Variants in LRRC20 observed in about 807,000 individuals in gnomAD.
LRRC20 encodes the protein leucine rich repeat containing 20.
LRRC20 carries 11 observed loss-of-function variants against 14.4 expected under a neutral mutation model. The observed-to-expected ratio is 0.77, with a 90% CI of 0.48 to 1.27. The LOEUF is 1.27. Among genes scored for constraint, LRRC20 ranks in the 50% most tolerant of loss-of-function variants. LRRC20 has a pLI of 0.00. For missense variants in LRRC20, 219 were observed against 251.2 expected (o/e 0.87, Z 0.87); for synonymous variants, 121 against 107.3 (o/e 1.13, Z -0.79).
At chr10:70,365,256 C>A (rs529072799) in intron 2 of LRRC20, among the ~76,000 whole-genome samples, 3 of 152,064 alleles carry the variant, frequency 2.0e-5, no homozygotes, top group African/African-American at 7.2e-5. Flanking sequence ...GACGGGGTTT[C>A]ACCATGTTGG....
chr10:70,337,626 C>T (rs968643843), intron 3 of LRRC20, among the ~76,000 whole-genome samples: 1 of 152,200 alleles, frequency 6.6e-6, no homozygotes, highest in Admixed American at 6.5e-5. Flanking sequence ...ACAAGGCTCT[C>T]CCCAGATGTC....
chr10:70,361,933 T>A (rs1400954965), intron 2 of LRRC20, among the ~76,000 whole-genome samples: 1 of 152,208 alleles, frequency 6.6e-6, no homozygotes, highest in Non-Finnish European at 1.5e-5. Flanking sequence ...ACACCTGTAA[T>A]CCCAACACTT....
chr10:70,356,398 G>A (rs544978474), intron 2 of LRRC20, among the ~76,000 whole-genome samples: 6 of 152,244 alleles, frequency 3.9e-5, no homozygotes, highest in African/African-American at 1.4e-4. Flanking sequence ...TGTAGTCCCA[G>A]CTAGCTACTT....
rs965222306 is a variant in LRRC20 at position 70,301,133 on chromosome 10, G to A, written c.*221C>T. On this transcript the variant is annotated 3_prime_UTR_variant, in exon 5 of 5. Coordinates refer to ENST00000446961, the MANE Select transcript of LRRC20 (RefSeq NM_001278212.2). ...AGTTTGCACAGCAGCTGTGAGTGCCGAGTCCAGGCTGCAGGCCCCACCTTG... is the reference window on the plus strand; with the variant it reads ...AGTTTGCACAGCAGCTGTGAGTGCCAAGTCCAGGCTGCAGGCCCCACCTTG... 1.6e-5 allele frequency: 21 copies of A among 1,351,394 alleles called. No homozygotes were observed. Among genetic ancestry groups the A allele is most frequent in the South Asian group, 1.9e-5 (1 of 51,848 alleles). 83.7% of individuals were successfully genotyped at this position (1,351,394 alleles called of 1,614,324 possible). A position where few individuals can be genotyped will look rare whatever the true frequency, so the allele number is the denominator to read the frequency against.
intron 2 of LRRC20, among the ~76,000 whole-genome samples, chr10:70,363,536 G>A (rs77879006): frequency 0.038 from 5,749 of 152,240 alleles, 162 homozygotes; most frequent in East Asian, 0.055. Context: ...AAGCCTGAAT[G>A]AACTAAGGCA....
intron 1 of LRRC20, among the ~76,000 whole-genome samples, chr10:70,380,919 C>T (rs1844678556): frequency 6.6e-6 from 1 of 152,216 alleles, no homozygotes; most frequent in Admixed American, 6.5e-5. Flanking sequence ...GGCTACAGGG[C>T]CAGGCCTAGG....
chr10:70,377,907 G>C (rs1275691654), intron 1 of LRRC20, among the ~76,000 whole-genome samples: 1 of 152,326 alleles, frequency 6.6e-6, no homozygotes, highest in East Asian at 1.9e-4. Flanking sequence ...CACTGATTTT[G>C]GAGACAGGTC....
At chr10:70,369,289 C>T (rs1844167019) in intron 2 of LRRC20, among the ~76,000 whole-genome samples, 1 of 152,122 alleles carries the variant, frequency 6.6e-6, no homozygotes, top group African/African-American at 2.4e-5. Flanking sequence ...ATCCCCACCC[C>T]CATCCCTCGG....
intron 2 of LRRC20, among the ~76,000 whole-genome samples, chr10:70,345,904 T>C (rs1217483870): frequency 6.6e-6 from 1 of 152,150 alleles, no homozygotes; most frequent in Non-Finnish European, 1.5e-5. Context: ...TCCCCAAGGT[T>C]GGAGGATCAC....
At chr10:70,310,655 A>G (rs183157362) in intron 4 of LRRC20, among the ~76,000 whole-genome samples, 23 of 152,338 alleles carry the variant, frequency 1.5e-4, no homozygotes, top group Admixed American at 1.5e-3. Flanking sequence ...ATGAATGTCT[A>G]ACCTTTTGAA....
chr10:70,338,764 G>A (rs769280948), intron 3 of LRRC20, among the ~76,000 whole-genome samples: 7 of 152,172 alleles, frequency 4.6e-5, no homozygotes, highest in South Asian at 2.1e-4. Flanking sequence ...GGGTTCAAGC[G>A]ATTCTCCTGC....
chr10:70,324,323 A>G (rs1842231093), intron 3 of LRRC20, among the ~76,000 whole-genome samples: 1 of 152,222 alleles, frequency 6.6e-6, no homozygotes. Context: ...GCGAGGGGTC[A>G]GGAGGTGCTG....
intron 4 of LRRC20, among the ~76,000 whole-genome samples, chr10:70,319,950 G>A (rs1842013457): frequency 6.6e-6 from 1 of 152,202 alleles, no homozygotes; most frequent in Non-Finnish European, 1.5e-5. Context: ...TGTCTGCCAG[G>A]GAGTCAGCTG....
intron 4 of LRRC20, 66 bp from the exon 5 acceptor site, chr10:70,301,574 G>A (rs1841186200): frequency 1.3e-6 from 2 of 1,564,484 alleles, no homozygotes; most frequent in Admixed American, 1.7e-5. Flanking sequence ...AAGGACAATG[G>A]GCCATGAGGA....
At chr10:70,345,020 ATTT>A (rs1290653032) in intron 2 of LRRC20, among the ~76,000 whole-genome samples, 2 of 152,190 alleles carry the variant, frequency 1.3e-5, no homozygotes, top group Non-Finnish European at 2.9e-5. Flanking sequence ...TTTTTTATTT[ATTT>A]TTAAGTTAAC....
At chr10:70,320,201 C>A (rs956584847) in intron 4 of LRRC20, among the ~76,000 whole-genome samples, 1 of 152,106 alleles carries the variant, frequency 6.6e-6, no homozygotes, top group African/African-American at 2.4e-5. Context: ...TGAGAACAGA[C>A]CCCCAAATCT....
At chr10:70,367,328 CAAAA>C (rs71472959) in intron 2 of LRRC20, among the ~76,000 whole-genome samples, 2 of 117,380 alleles carry the variant, frequency 1.7e-5, no homozygotes, top group Non-Finnish European at 3.4e-5. Flanking sequence ...GACCCGGTCT[CAAAA>C]AAAAAAAAAA....
At chr10:70,334,526 T>C (rs113416163) in intron 3 of LRRC20, among the ~76,000 whole-genome samples, 9 of 152,182 alleles carry the variant, frequency 5.9e-5, no homozygotes, top group African/African-American at 1.9e-4. Context: ...GGCACTGACA[T>C]ACACTGTTCA....
In LRRC20 at chr10:70,368,678, T is replaced by C. The variant is rs191428816; in HGVS notation, c.82+7774A>G. Among the ~76,000 whole-genome samples the C allele has an allele frequency of 2.2e-3, 328 of 152,026 alleles. 2 individuals are homozygous for C. Among genetic ancestry groups the C allele is most frequent in the African/African-American group, 6.5e-3 (271 of 41,466 alleles). On this transcript the variant is annotated intron_variant, in intron 2 of 4. Coordinates refer to ENST00000446961, the MANE Select transcript of LRRC20 (RefSeq NM_001278212.2). ...CTCTGTCACCTAGGCTGGAGTGCAG[T>C]GGCATGATCTCAGCTCACTGTGCAA... is the stretch of plus-strand genomic sequence containing the variant.
Sources: allele counts gnomAD v4.1 joint callset (sites outside exome capture counted in the v4.1 genomes callset), GRCh38; gene constraint gnomAD v4.1.1; transcripts MANE v1.5; gene names NCBI Gene and HGNC (gene_info 2026-07-23, HGNC 2026-07-21).